The following TSPAN33 variants were observed in gnomAD, a reference collection of about 807,000 sequenced individuals.
TSPAN33 encodes the protein tetraspanin 33.
A neutral mutation model predicts 34.8 loss-of-function variants in TSPAN33; 27 were observed. The ratio of observed to expected loss-of-function variants is 0.78; its 90% confidence interval spans 0.57 to 1.07. The LOEUF (loss-of-function observed/expected upper bound fraction) is 1.07. Ranked by LOEUF, TSPAN33 falls within the 50% of genes least tolerant of loss-of-function variation. TSPAN33 has a pLI of 0.00. For missense variants in TSPAN33, 272 were observed against 324.9 expected, an observed-to-expected ratio of 0.84 and a Z score of 1.25; for synonymous variants, 119 against 124.2, an observed-to-expected ratio of 0.96 and a Z score of 0.28.
At chr7:129,146,519 A>G (rs573181718) in intron 1 of TSPAN33, among the ~76,000 whole-genome samples, 1 of 152,336 alleles carries the variant, frequency 6.6e-6, no homozygotes. Context: ...TGACCTTTCT[A>G]CTGAACCACA....
intron 1 of TSPAN33, among the ~76,000 whole-genome samples, chr7:129,146,257 T>C (rs570855497): frequency 1.3e-4 from 20 of 152,212 alleles, no homozygotes; most frequent in Non-Finnish European, 2.5e-4. Flanking sequence ...ACAAAGCCCA[T>C]AAGTGCTGGC....
chr7:129,153,267 T>G (rs1810625654), intron 1 of TSPAN33, among the ~76,000 whole-genome samples: 1 of 152,000 alleles, frequency 6.6e-6, no homozygotes, highest in South Asian at 2.1e-4. Flanking sequence ...GATGGTTTAA[T>G]GGGTACAGGG....
In TSPAN33 at chr7:129,168,189, T is replaced by G; in HGVS notation, c.*315T>G. 3.5e-6 allele frequency: 1 copy of G among 289,150 alleles called. No homozygotes were observed. Among genetic ancestry groups the G allele is most frequent in the Non-Finnish European group, 6.6e-6 (1 of 152,638 alleles). The allele number at this position is 289,150 out of a possible 1,614,324, so 17.9% of individuals were successfully genotyped here. On this transcript the variant is annotated 3_prime_UTR_variant, in exon 8 of 8. Coordinates refer to ENST00000486685, the MANE Select transcript of TSPAN33 (RefSeq NM_178562.5). The stretch of plus-strand genomic sequence containing the variant: ...AGAGTTGGGGGTACTGCTGCTGCCT[T>G]TTCACCGAGGCACTGCCACCACCAG...
At chr7:129,146,717 A>G (rs1323196114) in intron 1 of TSPAN33, among the ~76,000 whole-genome samples, 2 of 152,244 alleles carry the variant, frequency 1.3e-5, no homozygotes, top group Non-Finnish European at 2.9e-5. Flanking sequence ...GAGACTCCCC[A>G]CTTAGGGGCA....
At position 129,168,055 on chromosome 7, in the gene TSPAN33, GGAT is replaced by G; in HGVS notation, c.*183_*185del. ...TGCACAGGTGGCTCCAGTCTCAGGA[GGAT>G]GCGCCTCCTCTCCCCCATCCCAGCC... On this transcript the variant is annotated 3_prime_UTR_variant, in exon 8 of 8. Coordinates refer to ENST00000486685, the MANE Select transcript of TSPAN33 (RefSeq NM_178562.5). The G allele has an allele frequency of 7.9e-7, 1 of 1,263,902 alleles. No individual in the cohort carries two copies. Among genetic ancestry groups the G allele is most frequent in the Non-Finnish European group, 1.1e-6 (1 of 943,312 alleles). 78.3% of individuals were successfully genotyped at this position (1,263,902 alleles called of 1,614,324 possible).
chr7:129,167,661 A>G lies in TSPAN33; in HGVS notation c.750+101A>G, dbSNP rs1793162766. ...ATCAGCGAGGGTGTCAGGCACTGACATGGCTGAGGGGTAGGGAAAGGGATA... is the reference window on the plus strand; with the variant it reads ...ATCAGCGAGGGTGTCAGGCACTGACGTGGCTGAGGGGTAGGGAAAGGGATA... On this transcript the variant is annotated intron_variant, in intron 7 of 7. Transcript: ENST00000486685. The surrounding 1 kb of genome is among the most constrained non-coding windows in gnomAD (Gnocchi z 4.6). 1 of 1,559,374 alleles carries G rather than the reference A, an allele frequency of 6.4e-7. No individual in the cohort carries two copies. Among genetic ancestry groups the G allele is most frequent in the Non-Finnish European group, 8.8e-7 (1 of 1,138,708 alleles).
intron 4 of TSPAN33, among the ~76,000 whole-genome samples, chr7:129,163,877 G>C (rs905077866): frequency 9.2e-5 from 14 of 152,064 alleles, no homozygotes; most frequent in African/African-American, 3.1e-4. Context: ...GGAGAAGGAG[G>C]TTGCAGTAAG....
intron 1 of TSPAN33, among the ~76,000 whole-genome samples, chr7:129,156,812 C>T (rs188024579): frequency 1.3e-5 from 2 of 152,286 alleles, no homozygotes; most frequent in African/African-American, 4.8e-5. Context: ...GAATCAGCCA[C>T]TTCTCCAAGG....
chr7:129,159,458 G>A (rs1793017850), intron 1 of TSPAN33, among the ~76,000 whole-genome samples: 1 of 152,174 alleles, frequency 6.6e-6, no homozygotes, highest in South Asian at 2.1e-4. Context: ...TGTTTTAGCT[G>A]TGCTACGATT....
At chr7:129,157,977 A>G (rs2694580) in intron 1 of TSPAN33, among the ~76,000 whole-genome samples, 150,957 of 152,308 alleles carry the variant, frequency 0.99, 74,824 homozygotes, top group Middle Eastern at 1. Flanking sequence ...AATCAAACAG[A>G]TCTCGCTGGG....
intron 1 of TSPAN33, 37 bp downstream of exon 1, chr7:129,145,119 T>C (rs1810500765): frequency 7.7e-6 from 5 of 647,320 alleles, no homozygotes; most frequent in Admixed American, 2.4e-5. Context: ...GGCGGCGGGG[T>C]CCCCCCGCGG....
Position 129,167,037 on chromosome 7 carries a change from TTTC to T in TSPAN33, c.588+135_588+137del. 1 of 1,104,062 alleles carries T rather than the reference TTTC, an allele frequency of 9.1e-7. No homozygotes were observed. Among genetic ancestry groups the T allele is most frequent in the East Asian group, 2.4e-5 (1 of 41,996 alleles). 68.4% of individuals were successfully genotyped at this position (1,104,062 alleles called of 1,614,324 possible). On this transcript the variant is annotated intron_variant, in intron 6 of 7. Transcript: ENST00000486685. The surrounding 1 kb of genome is among the most constrained non-coding windows in gnomAD (Gnocchi z 4.6). Reference sequence around the variant, plus strand: ...TCATGTGGGACAGCTGTCAGGTGTTTTTCTTCACCCCAACCTGATGCTTCTATT... The same window carrying T: ...TCATGTGGGACAGCTGTCAGGTGTTTTTCACCCCAACCTGATGCTTCTATT...
rs1308804386 is a variant in TSPAN33 at position 129,162,838 on chromosome 7, C to T, written c.294C>T (p.Ser98=). The T allele has an allele frequency of 6.2e-7, 1 of 1,613,852 alleles. No homozygotes were observed. The highest frequency in any genetic ancestry group is 1.7e-5 in the Admixed American group (1 of 60,030). Residue 98 remains serine (S), a synonymous_variant, in exon 4 of 8, where the codon TCC becomes TCT. Transcript: ENST00000486685. ...RENICLLQTF[S]LCLTAVFLLQ... Reference sequence around the variant, plus strand: ...TTCTTCCTGCTGCTCCACAGTTCTCCCTCTGCCTCACCGCTGTGTTCCTGC... The same window carrying T: ...TTCTTCCTGCTGCTCCACAGTTCTCTCTCTGCCTCACCGCTGTGTTCCTGC...
At chr7:129,161,540 A>C in intron 1 of TSPAN33, 139 bp from the exon 2 acceptor site, 1 of 737,948 alleles carries the variant, frequency 1.4e-6, no homozygotes, top group Non-Finnish European at 2.4e-6. Context: ...CTATCAGCAG[A>C]ATCACTGGGG....
intron 1 of TSPAN33, among the ~76,000 whole-genome samples, chr7:129,157,585 C>T (rs71583808): frequency 0.17 from 25,654 of 152,050 alleles, 2,353 homozygotes; most frequent in Admixed American, 0.25. Flanking sequence ...TTGAAATAAC[C>T]TGGAACACAT....
chr7:129,153,156 T>C (rs1039356366), intron 1 of TSPAN33, among the ~76,000 whole-genome samples: 22 of 151,242 alleles, frequency 1.5e-4, no homozygotes, highest in African/African-American at 4.9e-4. Flanking sequence ...GTAATTCCAA[T>C]GACAGGAAAT....
In TSPAN33 at chr7:129,144,788, C is replaced by G. The variant is rs1473932973; in HGVS notation, c.-193C>G. 1.3e-5 allele frequency: 2 copies of G among 149,276 alleles called. No homozygotes were observed. Among genetic ancestry groups the G allele is most frequent in the African/African-American group, 2.4e-5 (1 of 40,924 alleles). The allele number at this position is 149,276 out of a possible 1,614,324, so 9.2% of individuals were successfully genotyped here. On this transcript the variant is annotated 5_prime_UTR_variant, in exon 1 of 8. Coordinates refer to ENST00000486685, the MANE Select transcript of TSPAN33 (RefSeq NM_178562.5). ...GCGCTGCCCACCGCGGCTCCAGCAG[C>G]TCCAGGCGCGGTTCCCCGGCCCGCG...
In TSPAN33 at chr7:129,168,124, T is replaced by C; in HGVS notation, c.*250T>C. On this transcript the variant is annotated 3_prime_UTR_variant, in exon 8 of 8. Transcript: ENST00000486685. ...GAGTGATACCCTTAAGTGTTTGGGTTTATGTTTTCAGTTTTGTTTGGGAAA... is the reference window on the plus strand; with the variant it reads ...GAGTGATACCCTTAAGTGTTTGGGTCTATGTTTTCAGTTTTGTTTGGGAAA... The C allele has an allele frequency of 1.5e-6, 1 of 648,158 alleles. No homozygotes were observed. 40.2% of individuals were successfully genotyped at this position (648,158 alleles called of 1,614,324 possible).
chr7:129,155,446 C>T (rs1022026431), intron 1 of TSPAN33, among the ~76,000 whole-genome samples: 5 of 152,120 alleles, frequency 3.3e-5, no homozygotes, highest in Admixed American at 6.5e-5. Flanking sequence ...TCTAAATACC[C>T]TGATTTGATC....
Sources: allele counts gnomAD v4.1 joint callset (sites outside exome capture counted in the v4.1 genomes callset), GRCh38; gene constraint gnomAD v4.1.1; non-coding constraint Gnocchi (gnomAD v3.1); transcripts MANE v1.5; gene names NCBI Gene and HGNC (gene_info 2026-07-23, HGNC 2026-07-21).